Variants in ACYP2 observed in about 807,000 individuals in gnomAD.
The protein encoded by ACYP2 is acylphosphatase 2.
Under a neutral mutation model 11.2 loss-of-function variants are expected in ACYP2, and 12 were observed. The ratio of observed to expected loss-of-function variants is 1.08; its 90% CI spans 0.69 to 1.74. ACYP2 has a LOEUF of 1.74. Among genes scored for constraint, ACYP2 ranks in the 40% most tolerant of loss-of-function variants. The probability of loss-of-function intolerance (pLI) is 0.00; values close to 1 mark genes in which losing one functional copy is unlikely to be tolerated. For synonymous variants in ACYP2, 43 were observed against 32.2 expected, an observed-to-expected ratio of 1.33 and a Z score of -1.13; for missense variants, 134 against 101.9, an observed-to-expected ratio of 1.31 and a Z score of -1.35.
At chr2:54,171,753 T>A (rs1355834933) in intron 6 of ACYP2, among the ~76,000 whole-genome samples, 1 of 152,214 alleles carries the variant, frequency 6.6e-6, no homozygotes, top group Non-Finnish European at 1.5e-5. Context: ...TTGGAAGTTG[T>A]ACTTGTCAGT....
intron 2 of ACYP2, among the ~76,000 whole-genome samples, chr2:53,998,385 G>A (rs755436904): frequency 6.6e-6 from 1 of 152,180 alleles, no homozygotes; most frequent in Non-Finnish European, 1.5e-5. Flanking sequence ...GTTTTGTTTG[G>A]ATGGGAGATA....
At chr2:54,268,488 G>A (rs2104070922) in intron 6 of ACYP2, among the ~76,000 whole-genome samples, 1 of 152,072 alleles carries the variant, frequency 6.6e-6, no homozygotes, top group East Asian at 1.9e-4. Flanking sequence ...TTCTTATAGT[G>A]ATCTACCCAA....
intron 2 of ACYP2, among the ~76,000 whole-genome samples, chr2:54,015,585 G>T (rs911087438): frequency 6.6e-5 from 10 of 151,512 alleles, no homozygotes; most frequent in African/African-American, 1.7e-4. Context: ...GGAGGTGGAG[G>T]ATTCAGCGAG....
chr2:54,159,305 T>C (rs973254698), intron 6 of ACYP2, among the ~76,000 whole-genome samples: 1 of 151,978 alleles, frequency 6.6e-6, no homozygotes, highest in Non-Finnish European at 1.5e-5. Flanking sequence ...TGGAACTCAG[T>C]TGCAGAACTG....
chr2:54,200,417 T>C (rs1163565966), intron 6 of ACYP2, among the ~76,000 whole-genome samples: 1 of 152,196 alleles, frequency 6.6e-6, no homozygotes, highest in Non-Finnish European at 1.5e-5. Context: ...AGTCACTCCC[T>C]ATTTCCCTCT....
intron 6 of ACYP2, among the ~76,000 whole-genome samples, chr2:54,294,752 A>C (rs1689451022): frequency 6.6e-6 from 1 of 151,574 alleles, no homozygotes. Context: ...CTCTACAAAA[A>C]ATTAAAAAAA....
At chr2:54,014,998 T>C (rs1673600249) in intron 2 of ACYP2, among the ~76,000 whole-genome samples, 1 of 152,174 alleles carries the variant, frequency 6.6e-6, no homozygotes, top group East Asian at 1.9e-4. Context: ...TTTAGGACAA[T>C]ATCCTAATCT....
intron 4 of ACYP2, among the ~76,000 whole-genome samples, chr2:54,063,291 A>G (rs1676565579): frequency 6.6e-6 from 1 of 152,180 alleles, no homozygotes; most frequent in South Asian, 2.1e-4. Flanking sequence ...TGGCCATAAT[A>G]ATAATTATTA....
At chr2:54,269,502 C>G (rs1487908202) in intron 6 of ACYP2, among the ~76,000 whole-genome samples, 1 of 152,166 alleles carries the variant, frequency 6.6e-6, no homozygotes, top group Non-Finnish European at 1.5e-5. Context: ...GCCCCATAGA[C>G]AAAGGTATAA....
At chr2:54,107,865 A>G (rs919527111) in intron 4 of ACYP2, among the ~76,000 whole-genome samples, 4 of 152,202 alleles carry the variant, frequency 2.6e-5, no homozygotes, top group African/African-American at 9.6e-5. Flanking sequence ...CCATCAAGGG[A>G]TCTACTGATC....
At chr2:54,251,359 G>T (rs1479358350) in intron 6 of ACYP2, among the ~76,000 whole-genome samples, 1 of 151,130 alleles carries the variant, frequency 6.6e-6, no homozygotes, top group Non-Finnish European at 1.5e-5. Flanking sequence ...AAAATAATGT[G>T]TTTTTTTTTG....
At chr2:54,140,780 T>A (rs981023290) in intron 6 of ACYP2, among the ~76,000 whole-genome samples, 1 of 152,182 alleles carries the variant, frequency 6.6e-6, no homozygotes. Context: ...TCTGTCTTGT[T>A]TTTTGCAATA....
intron 2 of ACYP2, among the ~76,000 whole-genome samples, chr2:54,005,390 A>G (rs1382956704): frequency 6.8e-6 from 1 of 147,912 alleles, no homozygotes; most frequent in Non-Finnish European, 1.5e-5. Flanking sequence ...CCCAGGCTGG[A>G]GTGTAAGGGC....
chr2:54,210,046 CAGG>C (rs1210193882), intron 6 of ACYP2, among the ~76,000 whole-genome samples: 6 of 147,494 alleles, frequency 4.1e-5, no homozygotes, highest in Non-Finnish European at 7.4e-5. Flanking sequence ...GAGGCTGAGG[CAGG>C]AGAATTGCTT....
At chr2:54,118,354 C>T (rs967634264) in intron 4 of ACYP2, among the ~76,000 whole-genome samples, 1 of 151,450 alleles carries the variant, frequency 6.6e-6, no homozygotes, top group Non-Finnish European at 1.5e-5. Flanking sequence ...GTGAAGGAGT[C>T]TGTGTGTGTG....
At chr2:54,210,131 G>C (rs1387690582) in intron 6 of ACYP2, among the ~76,000 whole-genome samples, 2 of 107,240 alleles carry the variant, frequency 1.9e-5, no homozygotes, top group African/African-American at 7.7e-5. Flanking sequence ...ACAAGAATGA[G>C]ACTGTGTCTC....
At chr2:53,980,017 GTATT>G (rs902082404) in intron 2 of ACYP2, among the ~76,000 whole-genome samples, 9 of 151,890 alleles carry the variant, frequency 5.9e-5, no homozygotes, top group Non-Finnish European at 1.2e-4. Flanking sequence ...TTTAAGCTAA[GTATT>G]ATTACAAAAG....
intron 6 of ACYP2, among the ~76,000 whole-genome samples, chr2:54,172,871 T>C (rs184989626): frequency 2.0e-5 from 3 of 152,362 alleles, no homozygotes; most frequent in Admixed American, 6.5e-5. Flanking sequence ...GCAGAGAACA[T>C]GAACTCATCC....
intron 6 of ACYP2, among the ~76,000 whole-genome samples, chr2:54,258,107 TG>T (rs545987104): frequency 9.8e-5 from 15 of 152,310 alleles, no homozygotes; most frequent in African/African-American, 3.6e-4. Context: ...TCTTCCCTCT[TG>T]GGGTTTACAT....
Sources: allele counts gnomAD v4.1 joint callset (sites outside exome capture counted in the v4.1 genomes callset), GRCh38; gene constraint gnomAD v4.1.1; transcripts MANE v1.5; gene names NCBI Gene and HGNC (gene_info 2026-07-23, HGNC 2026-07-21).